The following XKR4 variants were observed in gnomAD, a reference collection of about 807,000 sequenced individuals.
The protein encoded by XKR4 is XK-related protein 4.
XKR4 carries 12 observed loss-of-function variants against 53.9 expected under a neutral mutation model. The ratio of observed to expected loss-of-function variants is 0.22; its 90% CI spans 0.14 to 0.36. The LOEUF (loss-of-function observed/expected upper bound fraction) is 0.36. Ranked by LOEUF, XKR4 falls within the 10% of genes least tolerant of loss-of-function variation. XKR4 has a pLI of 1.00. For synonymous variants in XKR4, 354 were observed against 362.4 expected, an observed-to-expected ratio of 0.98 and a Z score of 0.26; for missense variants, 799 against 859.5, an observed-to-expected ratio of 0.93 and a Z score of 0.88.
chr8:55,154,300 A>G (rs1397982052), intron 1 of XKR4, among the ~76,000 whole-genome samples: 6 of 152,238 alleles, frequency 3.9e-5, no homozygotes, highest in Non-Finnish European at 8.8e-5. Flanking sequence ...TTGAGCCTCT[A>G]TACAAATAAA....
chr8:55,466,412 A>T (rs1038632135), intron 2 of XKR4, among the ~76,000 whole-genome samples: 8 of 151,842 alleles, frequency 5.3e-5, no homozygotes, highest in Admixed American at 2.0e-4. Flanking sequence ...TCGTGTTCTC[A>T]CTCATAGGTG....
rs150845872 is a variant in XKR4, at chr8:55,459,250, G to A, written c.1007-64031G>A. On this transcript the variant is annotated intron_variant, in intron 2 of 2. Transcript: ENST00000327381. The stretch of plus-strand genomic sequence containing the variant: ...GAAAAAAAATGATCATAAACCCTTG[G>A]CTTATATTAGACATAAAAACTACTC... Among the ~76,000 whole-genome samples, 9 of 152,088 alleles carry A rather than the reference G, an allele frequency of 5.9e-5. No individual in the cohort carries two copies. In the East Asian group the frequency reaches 1.7e-3, roughly 29 times the overall value.
At chr8:55,452,248 C>T (rs981586134) in intron 2 of XKR4, 22 of 644,482 alleles carry the variant, frequency 3.4e-5, no homozygotes, top group African/African-American at 5.5e-5. Context: ...AGCTGCAGCC[C>T]GTCCTGCAAT....
chr8:55,218,776 G>A (rs1028058438), intron 1 of XKR4, among the ~76,000 whole-genome samples: 3 of 152,150 alleles, frequency 2.0e-5, no homozygotes, highest in Non-Finnish European at 4.4e-5. Context: ...AGTAGATAAT[G>A]ATTCTACAGT....
intron 1 of XKR4, chr8:55,142,303 C>T: frequency 7.3e-6 from 3 of 409,142 alleles, no homozygotes; most frequent in South Asian, 5.4e-5. Context: ...ATAGTACACA[C>T]TGGTCTCTTC....
At chr8:55,212,199 A>G (rs1225893831) in intron 1 of XKR4, among the ~76,000 whole-genome samples, 1 of 151,942 alleles carries the variant, frequency 6.6e-6, no homozygotes, top group Admixed American at 6.5e-5. Flanking sequence ...CAGGCTTCAG[A>G]GGCAATAGAT....
At position 55,451,665 on chromosome 8, in the gene XKR4, G is replaced by A. The variant is rs1435391536; in HGVS notation, c.1007-71616G>A. On this transcript the variant is annotated intron_variant, in intron 2 of 2. Transcript: ENST00000327381. ...GCAGGGCGTTGTCCTGGACACTCTG[G>A]GGCACGATCAGCAGCCCCGGGTACC... 15 of 1,555,514 alleles carry A rather than the reference G, an allele frequency of 9.6e-6. 1 individual carries two copies. In the South Asian group the frequency reaches 1.2e-4, roughly 12 times the overall value.
intron 2 of XKR4, chr8:55,455,112 G>A: frequency 1.5e-6 from 1 of 648,526 alleles, no homozygotes. Flanking sequence ...AATGCCACCA[G>A]CAGGAAGTAG....
chr8:55,454,562 C>T lies in XKR4; in HGVS notation c.1007-68719C>T, dbSNP rs1251816717. The T allele has an allele frequency of 8.3e-6, 12 of 1,441,516 alleles. 1 individual carries two copies. In the East Asian group the frequency reaches 1.2e-4, roughly 15 times the overall value. 89.3% of individuals were successfully genotyped at this position (1,441,516 alleles called of 1,614,324 possible). ...CTGCAGCTGCTGATGGGCAGGGAGT[C>T]GGCCAGTGGAGTCTGGATGACCTGC... On this transcript the variant is annotated intron_variant, in intron 2 of 2. Transcript: ENST00000327381.
chr8:55,359,189 G>A (rs375356790), intron 2 of XKR4, among the ~76,000 whole-genome samples: 14 of 152,200 alleles, frequency 9.2e-5, no homozygotes, highest in South Asian at 6.2e-4. Flanking sequence ...GCAGAAGGCC[G>A]TGTGAATTAG....
chr8:55,455,518 T>C (rs1362671327), intron 2 of XKR4, among the ~76,000 whole-genome samples: 6 of 152,154 alleles, frequency 3.9e-5, no homozygotes, highest in Non-Finnish European at 8.8e-5. Context: ...GTCAAAATAC[T>C]ATAGCCTTCC....
At chr8:55,507,574 C>A (rs1390199984) in intron 2 of XKR4, among the ~76,000 whole-genome samples, 1 of 152,128 alleles carries the variant, frequency 6.6e-6, no homozygotes, top group Non-Finnish European at 1.5e-5. Context: ...GTTCAATTCC[C>A]ACCTATGAGT....
chr8:55,126,160 A>G (rs1272294881), intron 1 of XKR4, among the ~76,000 whole-genome samples: 1 of 152,238 alleles, frequency 6.6e-6, no homozygotes, highest in Non-Finnish European at 1.5e-5. Flanking sequence ...AAAGAAAAAA[A>G]AGTTTCAGCC....
chr8:55,411,654 A>T (rs1804780045), intron 2 of XKR4, among the ~76,000 whole-genome samples: 1 of 152,162 alleles, frequency 6.6e-6, no homozygotes, highest in South Asian at 2.1e-4. Context: ...ATGAGGTCAG[A>T]CTCGTAAAGG....
intron 1 of XKR4, among the ~76,000 whole-genome samples, chr8:55,158,473 C>A (rs1431877163): frequency 6.6e-6 from 1 of 152,104 alleles, no homozygotes; most frequent in African/African-American, 2.4e-5. Flanking sequence ...TTGGTAGTTT[C>A]TTTTACTGTG....
At chr8:55,431,491 A>T (rs1805103862) in intron 2 of XKR4, among the ~76,000 whole-genome samples, 2 of 152,236 alleles carry the variant, frequency 1.3e-5, no homozygotes, top group Non-Finnish European at 2.9e-5. Flanking sequence ...TTTCCAAAAA[A>T]AAGAGATTTC....
chr8:55,434,460 A>G (rs1805147130), intron 2 of XKR4, among the ~76,000 whole-genome samples: 2 of 150,782 alleles, frequency 1.3e-5, no homozygotes, highest in African/African-American at 4.9e-5. Context: ...AATGGCAATC[A>G]AGACTGTTTA....
At chr8:55,334,620 C>T (rs891965815) in intron 1 of XKR4, among the ~76,000 whole-genome samples, 9 of 152,216 alleles carry the variant, frequency 5.9e-5, no homozygotes, top group Non-Finnish European at 7.4e-5. Context: ...AACTTCATGC[C>T]GTCATAAAGA....
intron 1 of XKR4, among the ~76,000 whole-genome samples, chr8:55,136,985 T>C (rs974740325): frequency 1.3e-5 from 2 of 152,206 alleles, no homozygotes; most frequent in Non-Finnish European, 2.9e-5. Context: ...GTGCCTGTTA[T>C]CTCTGCTGAG....
Sources: allele counts gnomAD v4.1 joint callset (sites outside exome capture counted in the v4.1 genomes callset), GRCh38; gene constraint gnomAD v4.1.1; transcripts MANE v1.5; gene names NCBI Gene and HGNC (gene_info 2026-07-23, HGNC 2026-07-21).